EPHA5: variants seen among roughly 807,000 people sequenced by gnomAD.
EPHA5 encodes the protein ephrin type-A receptor 5.
A neutral mutation model predicts 105.0 loss-of-function variants in EPHA5; 60 were observed. The observed-to-expected ratio is 0.57, with a 90% confidence interval of 0.46 to 0.71. The LOEUF is 0.71. EPHA5 is among the 30% of genes least tolerant of loss of function. The pLI, the probability that EPHA5 is intolerant of heterozygous loss-of-function variation, is 0.00. For missense variants in EPHA5, 1,218 were observed against 1,274.7 expected, an observed-to-expected ratio of 0.96 and a Z score of 0.68; for synonymous variants, 513 against 449.1, an observed-to-expected ratio of 1.14 and a Z score of -1.80.
chr4:65,537,951 C>A (rs974616575), intron 3 of EPHA5, among the ~76,000 whole-genome samples: 21 of 151,780 alleles, frequency 1.4e-4, no homozygotes, highest in Admixed American at 4.0e-4. Context: ...ACTATGAACA[C>A]ACACAGTCAC....
intron 3 of EPHA5, among the ~76,000 whole-genome samples, chr4:65,502,151 A>C (rs1732553548): frequency 6.6e-6 from 1 of 151,940 alleles, no homozygotes; most frequent in South Asian, 2.1e-4. Context: ...TAAAAATCCT[A>C]GAAGAAAACA....
chr4:65,359,031 A>G lies in EPHA5; in HGVS notation c.2174-5928T>C, dbSNP rs556758777. Among the ~76,000 whole-genome samples the G allele has an allele frequency of 7.1e-4, 108 of 151,676 alleles. No homozygotes were observed. The South Asian group carries it at 7.5e-3, about 10-fold the overall frequency. ...GAGATGGAGAATCTAAAAATGATCA[A>G]CTCTGACAACTTGGTTGTATTAACA... On this transcript the variant is annotated intron_variant, in intron 11 of 16. Coordinates refer to ENST00000613740, the MANE Select transcript of EPHA5 (RefSeq NM_001281766.3).
intron 12 of EPHA5, among the ~76,000 whole-genome samples, chr4:65,352,522 G>C (rs1722909879): frequency 6.6e-6 from 1 of 151,970 alleles, no homozygotes; most frequent in Non-Finnish European, 1.5e-5. Context: ...CTGGTGATCT[G>C]ATAATATTAG....
intron 3 of EPHA5, among the ~76,000 whole-genome samples, chr4:65,590,111 G>C (rs371403071): frequency 6.6e-6 from 1 of 152,074 alleles, no homozygotes; most frequent in South Asian, 2.1e-4. Flanking sequence ...CAAATAAATG[G>C]AGTTATCCGT....
At chr4:65,530,550 T>C (rs2149300716) in intron 3 of EPHA5, among the ~76,000 whole-genome samples, 1 of 152,250 alleles carries the variant, frequency 6.6e-6, no homozygotes, top group South Asian at 2.1e-4. Flanking sequence ...CAGTGTAAAT[T>C]ATAGAAATTG....
intron 8 of EPHA5, among the ~76,000 whole-genome samples, chr4:65,379,975 C>T (rs984552913): frequency 1.3e-5 from 2 of 151,748 alleles, no homozygotes; most frequent in Non-Finnish European, 2.9e-5. Context: ...AAGACGCTTT[C>T]ACAGTAACAG....
chr4:65,559,383 A>G (rs917936866), intron 3 of EPHA5, among the ~76,000 whole-genome samples: 2 of 152,164 alleles, frequency 1.3e-5, no homozygotes, highest in Non-Finnish European at 2.9e-5. Context: ...TGTCAATTCC[A>G]ACAGCTGTCA....
intron 3 of EPHA5, among the ~76,000 whole-genome samples, chr4:65,559,016 G>T (rs1427252763): frequency 6.6e-6 from 1 of 152,002 alleles, no homozygotes; most frequent in Non-Finnish European, 1.5e-5. Flanking sequence ...ACATATCCAT[G>T]TAACAAACCT....
chr4:65,381,467 A>C (rs1719554481), intron 8 of EPHA5, among the ~76,000 whole-genome samples: 1 of 151,892 alleles, frequency 6.6e-6, no homozygotes, highest in South Asian at 2.1e-4. Flanking sequence ...AATTTCAAAA[A>C]AAATTAAACA....
At chr4:65,409,575 G>A (rs1450968085) in intron 7 of EPHA5, among the ~76,000 whole-genome samples, 1 of 152,080 alleles carries the variant, frequency 6.6e-6, no homozygotes, top group African/African-American at 2.4e-5. Context: ...TATTGCCTCA[G>A]CTATATGTGT....
intron 14 of EPHA5, among the ~76,000 whole-genome samples, chr4:65,336,749 A>G (rs888701601): frequency 6.6e-6 from 1 of 152,118 alleles, no homozygotes; most frequent in Non-Finnish European, 1.5e-5. Context: ...CCTTGATTTT[A>G]AATGTAACCA....
chr4:65,411,330 A>G (rs6823020), intron 7 of EPHA5, among the ~76,000 whole-genome samples: 121,492 of 151,876 alleles, frequency 0.8, 49,016 homozygotes, highest in South Asian at 0.92. Flanking sequence ...AAATAAAAGC[A>G]CTCATAACAT....
chr4:65,646,946 A>G (rs888699798), intron 1 of EPHA5, among the ~76,000 whole-genome samples: 2 of 152,146 alleles, frequency 1.3e-5, no homozygotes, highest in Non-Finnish European at 2.9e-5. Flanking sequence ...ATTCATGACA[A>G]TATGCATGAA....
At chr4:65,346,038 C>T (rs1213803099) in intron 14 of EPHA5, among the ~76,000 whole-genome samples, 1 of 151,516 alleles carries the variant, frequency 6.6e-6, no homozygotes, top group East Asian at 1.9e-4. Context: ...GCTGGGATTA[C>T]AGGCATGAGC....
rs1719507031 is a variant in EPHA5 at position 65,319,968 on chromosome 4, A to G, written c.*4146T>C. ...AGTTCCCAGCCTGAATAAACATGAC[A>G]TTTTACCACCTTCAATTTTCTCCAT... On this transcript the variant is annotated 3_prime_UTR_variant, in exon 17 of 17. Coordinates refer to ENST00000613740, the MANE Select transcript of EPHA5 (RefSeq NM_001281766.3). 1 of 230,054 alleles carries G rather than the reference A, an allele frequency of 4.3e-6. No individual in the cohort carries two copies. The highest frequency in any genetic ancestry group is 8.6e-6 in the Non-Finnish European group (1 of 116,088). 14.3% of individuals were successfully genotyped at this position (230,054 alleles called of 1,614,324 possible). A position where few individuals can be genotyped will look rare whatever the true frequency, so the allele number is the denominator to read the frequency against.
At chr4:65,533,488 T>C (rs1163708809) in intron 3 of EPHA5, among the ~76,000 whole-genome samples, 2 of 152,326 alleles carry the variant, frequency 1.3e-5, no homozygotes, top group East Asian at 3.9e-4. Flanking sequence ...TGTGTCATTT[T>C]TGTTTTGTTG....
chr4:65,456,331 T>C (rs988357132), intron 5 of EPHA5, among the ~76,000 whole-genome samples: 8 of 152,094 alleles, frequency 5.3e-5, no homozygotes, highest in African/African-American at 1.9e-4. Context: ...GATTTTTTTT[T>C]TTTCTTCACA....
chr4:65,473,327 T>C (rs564586387), intron 5 of EPHA5, among the ~76,000 whole-genome samples: 1 of 152,260 alleles, frequency 6.6e-6, no homozygotes, highest in Admixed American at 6.5e-5. Context: ...CTTATAGAGG[T>C]ACCCCGCTCT....
intron 3 of EPHA5, among the ~76,000 whole-genome samples, chr4:65,579,474 T>A (rs967855494): frequency 2.7e-5 from 4 of 150,940 alleles, no homozygotes; most frequent in African/African-American, 9.7e-5. Context: ...GATGCCTGAA[T>A]ATGGCAAAAT....
Sources: allele counts gnomAD v4.1 joint callset (sites outside exome capture counted in the v4.1 genomes callset), GRCh38; gene constraint gnomAD v4.1.1; transcripts MANE v1.5; gene names NCBI Gene and HGNC (gene_info 2026-07-23, HGNC 2026-07-21).